Variants in ABCC1 observed in about 807,000 individuals in gnomAD.
The protein encoded by ABCC1 is multidrug resistance-associated protein 1.
Under a neutral mutation model 172.9 loss-of-function variants are expected in ABCC1, and 83 were observed. The ratio of observed to expected loss-of-function variants is 0.48; its 90% CI spans 0.40 to 0.58. The LOEUF is 0.58. Among genes scored for constraint, ABCC1 ranks in the 20% least tolerant of loss-of-function variants. ABCC1 has a pLI of 0.00. For synonymous variants in ABCC1, 937 were observed against 825.2 expected (o/e 1.14, Z -2.32); for missense variants, 1,817 against 2,002.7 (o/e 0.91, Z 1.77).
intron 5 of ABCC1, among the ~76,000 whole-genome samples, chr16:16,018,110 A>G (rs1385044758): frequency 1.3e-5 from 2 of 152,180 alleles, no homozygotes; most frequent in Non-Finnish European, 1.5e-5. Flanking sequence ...GGCGGATTGC[A>G]GTGGGAGAAC....
intron 1 of ABCC1, among the ~76,000 whole-genome samples, chr16:15,998,937 A>G (rs1191252603): frequency 2.6e-5 from 4 of 152,290 alleles, no homozygotes; most frequent in African/African-American, 7.2e-5. Flanking sequence ...ACATTGTCCC[A>G]TTGAATCCTC....
intron 1 of ABCC1, among the ~76,000 whole-genome samples, chr16:15,974,984 A>G (rs2046450657): frequency 6.6e-6 from 1 of 151,970 alleles, no homozygotes; most frequent in Admixed American, 6.6e-5. Flanking sequence ...ACAGGGTTTC[A>G]CCATGTTGGC....
intron 12 of ABCC1, among the ~76,000 whole-genome samples, chr16:16,063,717 A>G (rs2050006349): frequency 6.6e-6 from 1 of 151,924 alleles, no homozygotes; most frequent in Non-Finnish European, 1.5e-5. Context: ...AACGTCTCTG[A>G]CTCTCAGCTC....
At chr16:15,992,001 A>G (rs1406247329) in intron 1 of ABCC1, among the ~76,000 whole-genome samples, 2 of 152,094 alleles carry the variant, frequency 1.3e-5, no homozygotes, top group African/African-American at 2.4e-5. Flanking sequence ...GTGAGACTTC[A>G]TCTGTATTTA....
intron 4 of ABCC1, among the ~76,000 whole-genome samples, chr16:16,016,214 C>T (rs939868898): frequency 3.9e-5 from 5 of 127,094 alleles, no homozygotes; most frequent in Non-Finnish European, 6.3e-5. Context: ...AATGCAGTGG[C>T]GTGATCTCGG....
At chr16:16,043,560 A>G (rs2049074302) in intron 7 of ABCC1, among the ~76,000 whole-genome samples, 1 of 151,708 alleles carries the variant, frequency 6.6e-6, no homozygotes, top group Non-Finnish European at 1.5e-5. Context: ...TCGGCCTCCC[A>G]TAGTGCTGGG....
intron 30 of ABCC1, among the ~76,000 whole-genome samples, chr16:16,138,964 C>T (rs1047963906): frequency 6.6e-6 from 1 of 152,246 alleles, no homozygotes; most frequent in Non-Finnish European, 1.5e-5. Flanking sequence ...CCCGCCTCCG[C>T]CTCCCAAATT....
chr16:16,104,999 C>G (rs113721197), intron 20 of ABCC1, among the ~76,000 whole-genome samples: 17 of 152,120 alleles, frequency 1.1e-4, no homozygotes, highest in Non-Finnish European at 1.5e-5. Flanking sequence ...GGTTCCCTCC[C>G]GTTCCTCTCC....
chr16:15,949,632 CCAGCGCTAG>C lies in ABCC1; in HGVS notation c.-118_-110del, dbSNP rs1220493394. 1.0e-3 allele frequency: 691 copies of C among 684,344 alleles called. No homozygotes were observed. Among genetic ancestry groups the C allele is most frequent in the Middle Eastern group, 2.9e-3 (4 of 1,394 alleles). 42.4% of individuals were successfully genotyped at this position (684,344 alleles called of 1,614,324 possible). A position where few individuals can be genotyped will look rare whatever the true frequency, so the allele number is the denominator to read the frequency against. ...CCCTGCGCCGCCGCCGCCGCCGCCG[CCAGCGCTAG>C]CGCCAGCAGCCGGGCCCGATCACCC... On this transcript the variant is annotated 5_prime_UTR_variant, in exon 1 of 31. Coordinates refer to ENST00000399410, the MANE Select transcript of ABCC1 (RefSeq NM_004996.4).
chr16:16,112,385 A>C (rs918338605), intron 22 of ABCC1, among the ~76,000 whole-genome samples: 45 of 151,732 alleles, frequency 3.0e-4, no homozygotes, highest in African/African-American at 1.0e-3. Context: ...AAAAAAAAAA[A>C]AACCCTGCTC....
intron 20 of ABCC1, 55 bp from the exon 21 acceptor site, chr16:16,106,683 C>G: frequency 6.2e-7 from 1 of 1,610,352 alleles, no homozygotes; most frequent in Non-Finnish European, 8.5e-7. Flanking sequence ...AGGGAGCCCT[C>G]CGACCCTGCC....
intron 26 of ABCC1, among the ~76,000 whole-genome samples, chr16:16,127,502 C>A (rs1337896785): frequency 2.0e-5 from 3 of 152,006 alleles, no homozygotes; most frequent in Non-Finnish European, 4.4e-5. Flanking sequence ...CCCAGCCCAG[C>A]CCTATAATTT....
At chr16:16,017,913 G>A (rs943338898) in intron 5 of ABCC1, among the ~76,000 whole-genome samples, 1 of 152,160 alleles carries the variant, frequency 6.6e-6, no homozygotes, top group Non-Finnish European at 1.5e-5. Flanking sequence ...CCTGGGGTGG[G>A]GAGGTGTGGA....
intron 3 of ABCC1, among the ~76,000 whole-genome samples, chr16:16,012,485 ATTTT>A (rs71674571): frequency 3.6e-5 from 5 of 138,696 alleles, no homozygotes; most frequent in Non-Finnish European, 6.3e-5. Context: ...ATTAGAGTGG[ATTTT>A]TTTTTTTTTT....
chr16:16,102,797 T>G, intron 20 of ABCC1, 80 bp downstream of exon 20: 1 of 1,383,576 alleles, frequency 7.2e-7, no homozygotes, highest in Non-Finnish European at 9.9e-7. Flanking sequence ...AAAAAAGGCC[T>G]CAGCCCCCTG....
In ABCC1 at chr16:16,000,671, G is replaced by A. The variant is rs543258477; in HGVS notation, c.49-7145G>A. Among the ~76,000 whole-genome samples, 21 of 152,094 alleles carry A rather than the reference G, an allele frequency of 1.4e-4. No individual in the cohort carries two copies. The South Asian group carries it at 3.5e-3, about 26-fold the overall frequency. ...AAGAGGGTATCATTATGTTTCCCAG[G>A]CTGGTCTTGAACTCCTGGGCTCAAG... On this transcript the variant is annotated intron_variant, in intron 1 of 30. Transcript: ENST00000399410.
intron 1 of ABCC1, among the ~76,000 whole-genome samples, chr16:15,983,630 A>G (rs567651790): frequency 1.4e-5 from 2 of 144,616 alleles, no homozygotes; most frequent in Admixed American, 7.3e-5. Flanking sequence ...ATCACGGCTC[A>G]CTGTAGCCTT....
In ABCC1 at chr16:16,052,809, C is replaced by T. The variant is rs148042527; in HGVS notation, c.1466C>T (p.Thr489Met). 1.1e-4 allele frequency: 181 copies of T among 1,614,100 alleles called. No homozygotes were observed. The African/African-American group carries it at 2.1e-3, about 19-fold the overall frequency. ...GCTGTGATGGCGATGAAGACCAAGA[C>T]GTATCAGGTAAGGCATGTGTCTCTG... ...VNAVMAMKTK[T>M]YQVAHMKSKD... The change falls in exon 11 of 31, where the codon ACG (threonine) becomes ATG (methionine). Residue 489 changes from threonine (T) to methionine (M), a missense_variant. This residue lies in a region of ABCC1 where 1,412 missense variants were observed against 1,600.3 expected (regional missense o/e 0.88). Transcript: ENST00000399410.
intron 30 of ABCC1, among the ~76,000 whole-genome samples, 156 bp downstream of exon 30, chr16:16,138,714 C>CTTTTTTTT (rs397973927): frequency 1.5e-5 from 2 of 129,690 alleles, no homozygotes; most frequent in Non-Finnish European, 1.6e-5. Context: ...CCAGCTATTT[C>CTTTTTTTT]TTTTTTTTTT....
Sources: allele counts gnomAD v4.1 joint callset (sites outside exome capture counted in the v4.1 genomes callset), GRCh38; gene constraint gnomAD v4.1.1; regional missense constraint gnomAD v4.1.1; transcripts MANE v1.5; gene names NCBI Gene and HGNC (gene_info 2026-07-23, HGNC 2026-07-21).